RHEX: variants seen among roughly 807,000 people sequenced by gnomAD.
RHEX encodes the protein regulator of hemoglobinization and erythroid cell expansion protein.
In RHEX, 18 loss-of-function variants were observed where a neutral mutation model predicts 20.1. That is an observed-to-expected ratio of 0.90 (90% CI 0.62 to 1.33). RHEX has a LOEUF of 1.33. Among genes scored for constraint, RHEX ranks in the 40% most tolerant of loss-of-function variants. The pLI, the probability that RHEX is intolerant of heterozygous loss-of-function variation, is 0.00. For synonymous variants in RHEX, 87 were observed against 77.1 expected (o/e 1.13, Z -0.67); for missense variants, 192 against 214.3 (o/e 0.90, Z 0.65).
Position 206,102,189 on chromosome 1 carries a change from G to A in RHEX, c.*237G>A. ...CAAAAACAAAAACAAGGCTTGGCTG[G>A]GAAAACAGGCCAATGCCCCGGCAAG... On this transcript the variant is annotated 3_prime_UTR_variant, in exon 6 of 6. Transcript: ENST00000331555. 1.8e-6 allele frequency: 1 copy of A among 542,190 alleles called. No homozygotes were observed. Among genetic ancestry groups the A allele is most frequent in the South Asian group, 2.2e-5 (1 of 44,650 alleles). 33.6% of individuals were successfully genotyped at this position (542,190 alleles called of 1,614,324 possible).
intron 1 of RHEX, among the ~76,000 whole-genome samples, chr1:206,078,873 CA>C (rs1662683895): frequency 6.6e-6 from 1 of 152,210 alleles, no homozygotes. Context: ...CGCTGGACTG[CA>C]CCCTAAGCCA....
chr1:206,101,172 C>G lies in RHEX; in HGVS notation c.293C>G (p.Ser98Cys). 1 of 1,613,096 alleles carries G rather than the reference C, an allele frequency of 6.2e-7. No individual in the cohort carries two copies. Among genetic ancestry groups the G allele is most frequent in the Non-Finnish European group, 8.5e-7 (1 of 1,179,678 alleles). Residue 98 changes from serine to cysteine, a missense_variant, in exon 5 of 6, where the codon TCC becomes TGC. By Grantham distance (112) the Ser-to-Cys change is moderately radical. Transcript: ENST00000331555. ...ACACCCTCAGATAGCTTGGATAGCT[C>G]CTGCAGTTCGCCTCCTGCCTGCCAG... ...SDTPSDSLDS[S>C]CSSPPACQAT...
At chr1:206,060,327 C>T (rs59055466) in intron 1 of RHEX, 1 of 143,870 alleles carries the variant, frequency 7.0e-6, no homozygotes, top group Non-Finnish European at 1.5e-5. Flanking sequence ...TTCTGTAGAG[C>T]TCATTTGCAT....
intron 1 of RHEX, among the ~76,000 whole-genome samples, chr1:206,073,472 G>T (rs1662572579): frequency 6.6e-6 from 1 of 152,042 alleles, no homozygotes; most frequent in Non-Finnish European, 1.5e-5. Context: ...GAGAAAGCTA[G>T]TATTATTATT....
chr1:206,082,386 C>A (rs1553286020), intron 1 of RHEX, among the ~76,000 whole-genome samples: 1 of 151,892 alleles, frequency 6.6e-6, no homozygotes, highest in East Asian at 1.9e-4. Flanking sequence ...GGTGTGGTGG[C>A]ACTCACCTGT....
At chr1:206,064,130 G>C (rs1354386543) in intron 1 of RHEX, among the ~76,000 whole-genome samples, 5 of 147,134 alleles carry the variant, frequency 3.4e-5, no homozygotes, top group Non-Finnish European at 7.5e-5. Context: ...CGCCCCGTCT[G>C]AGAAGTGAGG....
At chr1:206,094,505 G>A (rs1663028290) in intron 1 of RHEX, among the ~76,000 whole-genome samples, 1 of 152,138 alleles carries the variant, frequency 6.6e-6, no homozygotes, top group African/African-American at 2.4e-5. Flanking sequence ...TTGTATAAAG[G>A]TCTTTACAAA....
chr1:206,095,462 A>G (rs962581084), intron 1 of RHEX, among the ~76,000 whole-genome samples: 12 of 152,242 alleles, frequency 7.9e-5, no homozygotes, highest in Admixed American at 2.0e-4. Context: ...TTGCATATAT[A>G]CATGCACTTA....
intron 1 of RHEX, among the ~76,000 whole-genome samples, chr1:206,054,851 G>C (rs1189581043): frequency 6.6e-6 from 1 of 152,168 alleles, no homozygotes; most frequent in African/African-American, 2.4e-5. Flanking sequence ...AGCTTTCTTT[G>C]GTCTAAAAAC....
At chr1:206,085,370 G>A (rs1553286332) in intron 1 of RHEX, among the ~76,000 whole-genome samples, 2 of 152,156 alleles carry the variant, frequency 1.3e-5, no homozygotes, top group Non-Finnish European at 2.9e-5. Context: ...TGTAGAAGGT[G>A]CCTAGTTTCC....
chr1:206,056,512 T>C (rs1229129143), intron 1 of RHEX: 2 of 152,282 alleles, frequency 1.3e-5, no homozygotes, highest in South Asian at 2.1e-4. Context: ...TTATTATAAG[T>C]GTACCAGGAC....
intron 1 of RHEX, among the ~76,000 whole-genome samples, chr1:206,071,040 G>A (rs781856949): frequency 6.6e-6 from 1 of 152,132 alleles, no homozygotes; most frequent in African/African-American, 2.4e-5. Context: ...CGATCACAAG[G>A]TGAAGTCTCA....
At chr1:206,056,583 C>G (rs1028947725) in intron 1 of RHEX, 1 of 152,280 alleles carries the variant, frequency 6.6e-6, no homozygotes, top group Non-Finnish European at 1.5e-5. Context: ...CAGGAAATAA[C>G]CAACTTGATG....
intron 1 of RHEX, among the ~76,000 whole-genome samples, chr1:206,081,762 G>A (rs1219208740): frequency 6.6e-6 from 1 of 152,164 alleles, no homozygotes; most frequent in Admixed American, 6.5e-5. Flanking sequence ...ATCATGGAAG[G>A]TTCTGGTCCA....
chr1:206,073,933 G>C (rs558738252), intron 1 of RHEX, among the ~76,000 whole-genome samples: 7 of 152,194 alleles, frequency 4.6e-5, no homozygotes, highest in African/African-American at 1.7e-4. Context: ...ACTATCTGTC[G>C]GTTAAATCCA....
At chr1:206,061,246 T>G (rs550067681) in intron 1 of RHEX, 1 of 152,314 alleles carries the variant, frequency 6.6e-6, no homozygotes, top group East Asian at 1.9e-4. Context: ...GTGTGGTGGA[T>G]TTTGCATTTC....
intron 4 of RHEX, 132 bp from the exon 5 acceptor site, chr1:206,101,004 C>T: frequency 6.4e-6 from 4 of 626,244 alleles, no homozygotes; most frequent in South Asian, 2.3e-5. Context: ...TCTTCCCTAC[C>T]CCCCCTTTTT....
chr1:206,095,983 C>A (rs185070543), intron 1 of RHEX, among the ~76,000 whole-genome samples: 115 of 152,150 alleles, frequency 7.6e-4, no homozygotes, highest in African/African-American at 2.6e-3. Flanking sequence ...ACGTGCCAGG[C>A]ACACCTAGCT....
At chr1:206,097,896 T>C in intron 2 of RHEX, 57 bp downstream of exon 2, 2 of 1,366,040 alleles carry the variant, frequency 1.5e-6, no homozygotes, top group Non-Finnish European at 2.1e-6. Context: ...CTGGTGTAGC[T>C]GTCTTCCAAG....
Sources: allele counts gnomAD v4.1 joint callset (sites outside exome capture counted in the v4.1 genomes callset), GRCh38; gene constraint gnomAD v4.1.1; transcripts MANE v1.5; gene names NCBI Gene and HGNC (gene_info 2026-07-23, HGNC 2026-07-21).